WDR49: variants seen among roughly 807,000 people sequenced by gnomAD.
WDR49 encodes the protein WD repeat domain 49, also known as cilia- and flagella-associated protein 337.
In WDR49, 107 loss-of-function variants were observed where a neutral mutation model predicts 119.5. The ratio of observed to expected loss-of-function variants is 0.90; its 90% CI spans 0.77 to 1.05. WDR49 has a LOEUF of 1.05. Ranked by LOEUF, WDR49 falls within the 50% of genes least tolerant of loss-of-function variation. WDR49 has a pLI of 0.00. For missense variants in WDR49, 1,240 were observed against 1,220.5 expected, an observed-to-expected ratio of 1.02 and a Z score of -0.24; for synonymous variants, 425 against 418.8, an observed-to-expected ratio of 1.01 and a Z score of -0.18.
chr3:167,602,837 C>T (rs1459889953), intron 6 of WDR49, among the ~76,000 whole-genome samples: 1 of 151,944 alleles, frequency 6.6e-6, no homozygotes, highest in Non-Finnish European at 1.5e-5. Flanking sequence ...TTTACTGTAC[C>T]TTTTATATGT....
upstream of WDR49, among the ~76,000 whole-genome samples, chr3:167,654,717 G>A (rs1182093031): frequency 2.0e-5 from 3 of 152,008 alleles, no homozygotes; most frequent in South Asian, 2.1e-4. Context: ...GCAACATGAC[G>A]AGACATTGTA....
At chr3:167,656,545 T>C (rs1356906403), upstream of WDR49, among the ~76,000 whole-genome samples, 1 of 152,184 alleles carries the variant, frequency 6.6e-6, no homozygotes, top group Non-Finnish European at 1.5e-5. Flanking sequence ...CTGGCCTACT[T>C]AGCTTCCATA....
rs1715942572 is a variant in WDR49 at position 167,604,470 on chromosome 3, T to C, written c.959-2A>G. 6.3e-7 allele frequency: 1 copy of C among 1,588,312 alleles called. No individual in the cohort carries two copies. ...CGTCTAAAGATGCATTGTAAGTAAC[T>C]GATAAAAAATTAAAAAGAGAAAAAC... On this transcript the variant is annotated splice_acceptor_variant, in intron 5 of 18. Transcript: ENST00000682715. LOFTEE classifies it high-confidence loss of function.
intron 17 of WDR49, among the ~76,000 whole-genome samples, chr3:167,504,881 T>C (rs994130284): frequency 4.6e-5 from 7 of 152,120 alleles, no homozygotes; most frequent in Non-Finnish European, 1.0e-4. Flanking sequence ...TGAAAGTGTG[T>C]AGCACCTCCC....
intron 18 of WDR49, among the ~76,000 whole-genome samples, chr3:167,489,432 A>G (rs1179137766): frequency 6.6e-6 from 1 of 152,046 alleles, no homozygotes; most frequent in Non-Finnish European, 1.5e-5. Flanking sequence ...AAAAATTAAC[A>G]TCTAGTGTTA....
At chr3:167,496,737 AGG>A (rs1751369592) in intron 18 of WDR49, among the ~76,000 whole-genome samples, 1 of 152,194 alleles carries the variant, frequency 6.6e-6, no homozygotes, top group African/African-American at 2.4e-5. Flanking sequence ...TATCTATCCT[AGG>A]AAAAGCTAAA....
At chr3:167,624,715 T>C (rs1403810495) in intron 3 of WDR49, among the ~76,000 whole-genome samples, 1 of 152,100 alleles carries the variant, frequency 6.6e-6, no homozygotes, top group African/African-American at 2.4e-5. Flanking sequence ...AGATTTTAGT[T>C]CAGTGCTGAA....
intron 1 of WDR49, 41 bp from the exon 2 acceptor site, chr3:167,653,540 G>GA (rs1718489205): frequency 7.7e-7 from 1 of 1,304,828 alleles, no homozygotes; most frequent in African/African-American, 1.5e-5. Flanking sequence ...ATTCCAAAAT[G>GA]AAAGTACAAA....
intron 2 of WDR49, among the ~76,000 whole-genome samples, chr3:167,652,872 T>G (rs1718452919): frequency 6.6e-6 from 1 of 152,240 alleles, no homozygotes; most frequent in African/African-American, 2.4e-5. Context: ...TTTGCTGAGT[T>G]CTATGTCCGT....
chr3:167,545,509 T>TATATATA (rs535132359), intron 10 of WDR49, among the ~76,000 whole-genome samples: 24 of 108,288 alleles, frequency 2.2e-4, no homozygotes, highest in African/African-American at 4.6e-4. Context: ...ATATTATATA[T>TATATATA]TATATATATA....
intron 7 of WDR49, among the ~76,000 whole-genome samples, chr3:167,594,680 A>G (rs981001812): frequency 1.3e-5 from 2 of 152,160 alleles, no homozygotes; most frequent in Admixed American, 6.5e-5. Context: ...CTTCATGCTA[A>G]AAACTCTCAA....
intron 7 of WDR49, among the ~76,000 whole-genome samples, chr3:167,596,228 T>C (rs1183940501): frequency 6.6e-6 from 1 of 151,852 alleles, no homozygotes; most frequent in Non-Finnish European, 1.5e-5. Context: ...CAACAGGTGC[T>C]GGAGAGGATG....
In WDR49 at chr3:167,647,948, C is replaced by G. The variant is rs190332048; in HGVS notation, c.165+5313G>C. ...AGTTCCAAGTTAGCAGAGCACAGGGCCTGTGCACTATTAACTTAACATGCA... is the reference window on the plus strand; with the variant it reads ...AGTTCCAAGTTAGCAGAGCACAGGGGCTGTGCACTATTAACTTAACATGCA... On this transcript the variant is annotated intron_variant, in intron 2 of 18. Transcript: ENST00000682715. Among the ~76,000 whole-genome samples, 3 of 152,300 alleles carry G rather than the reference C, an allele frequency of 2.0e-5. No homozygotes were observed. In the East Asian group the frequency reaches 5.8e-4, roughly 29 times the overall value.
At chr3:167,599,525 A>G (rs1715656780) in intron 7 of WDR49, among the ~76,000 whole-genome samples, 1 of 152,228 alleles carries the variant, frequency 6.6e-6, no homozygotes. Context: ...AATGCTGTCC[A>G]AGGGCCAACA....
intron 18 of WDR49, among the ~76,000 whole-genome samples, chr3:167,481,006 G>C (rs1218348922): frequency 6.7e-6 from 1 of 149,534 alleles, no homozygotes; most frequent in Non-Finnish European, 1.5e-5. Context: ...TGTAAAACTT[G>C]AAGGATACCC....
At chr3:167,559,464 G>A (rs1308319279) in intron 9 of WDR49, among the ~76,000 whole-genome samples, 2 of 151,986 alleles carry the variant, frequency 1.3e-5, no homozygotes, top group Non-Finnish European at 2.9e-5. Context: ...TTTTGAAAAG[G>A]AAATTAGCAC....
At chr3:167,483,305 A>C (rs375717210) in intron 18 of WDR49, among the ~76,000 whole-genome samples, 2 of 152,278 alleles carry the variant, frequency 1.3e-5, no homozygotes, top group East Asian at 3.9e-4. Flanking sequence ...AGCCCTTCTG[A>C]AATATATTGT....
At chr3:167,578,389 C>G (rs1334573858) in intron 7 of WDR49, among the ~76,000 whole-genome samples, 1 of 152,100 alleles carries the variant, frequency 6.6e-6, no homozygotes, top group Non-Finnish European at 1.5e-5. Context: ...CTCTTTTACT[C>G]TTTCTTGTTT....
intron 16 of WDR49, among the ~76,000 whole-genome samples, chr3:167,511,441 C>T (rs935131883): frequency 6.6e-6 from 1 of 152,194 alleles, no homozygotes; most frequent in Non-Finnish European, 1.5e-5. Flanking sequence ...TTATAATCAA[C>T]ATGAGAAGAT....
Sources: allele counts gnomAD v4.1 joint callset (sites outside exome capture counted in the v4.1 genomes callset), GRCh38; gene constraint gnomAD v4.1.1; transcripts MANE v1.5; gene names NCBI Gene and HGNC (gene_info 2026-07-23, HGNC 2026-07-21).